Variants in OGFOD2 observed in about 807,000 individuals in gnomAD.
OGFOD2 encodes the protein 2-oxoglutarate and iron dependent oxygenase domain containing 2, also known as 2-oxoglutarate and iron-dependent oxygenase domain-containing protein 2.
Under a neutral mutation model 31.1 loss-of-function variants are expected in OGFOD2, and 34 were observed. That is an observed-to-expected ratio of 1.09 (90% CI 0.83 to 1.45). The LOEUF is 1.45. Ranked by LOEUF, OGFOD2 falls within the 40% of genes most tolerant of loss-of-function variation. The pLI is 0.00. For synonymous variants in OGFOD2, 240 were observed against 192.3 expected (o/e 1.25, Z -2.05); for missense variants, 537 against 433.9 (o/e 1.24, Z -2.11).
intron 2 of OGFOD2, chr12:122,976,304 A>T (rs1192484476): frequency 7.1e-7 from 1 of 1,405,486 alleles, no homozygotes. Flanking sequence ...CCCTGGAGTC[A>T]GTGGTGGGAA....
At chr12:122,979,354 TG>T in exon 7 of OGFOD2, 2 of 1,590,322 alleles carry the variant, frequency 1.3e-6, no homozygotes, top group Non-Finnish European at 8.6e-7. Flanking sequence ...TGAGCTTGCT[TG>T]GGCCCAGTGT....
intron 4 of OGFOD2, 179 bp from the exon 5 acceptor site, chr12:122,978,263 T>G: frequency 2.9e-6 from 2 of 692,182 alleles, no homozygotes; most frequent in Non-Finnish European, 2.4e-6. Context: ...CGGGCATAAG[T>G]GGGGGGCATG....
At chr12:122,975,498 C>G (rs2037389374) in intron 1 of OGFOD2, 115 bp downstream of exon 1, 1 of 589,910 alleles carries the variant, frequency 1.7e-6, no homozygotes, top group Non-Finnish European at 3.0e-6. Flanking sequence ...TCTTCAAATA[C>G]AAGAATGACG....
At chr12:122,975,145 C>T, upstream of OGFOD2, 1 of 501,150 alleles carries the variant, frequency 2.0e-6, no homozygotes, top group Non-Finnish European at 3.6e-6. Context: ...CTTTTCCGCC[C>T]TTGGGAACTT....
intron 4 of OGFOD2, 114 bp downstream of exon 4, chr12:122,977,084 G>C (rs1002811820): frequency 1.0e-6 from 1 of 982,728 alleles, no homozygotes; most frequent in Non-Finnish European, 1.6e-6. Flanking sequence ...AACCAAACCA[G>C]CAGGAGCTGG....
At chr12:122,978,513 C>T (rs1248730947) in exon 5 of OGFOD2, 6 of 1,613,516 alleles carry the variant, frequency 3.7e-6, no homozygotes, top group Non-Finnish European at 5.1e-6. Context: ...AGAGCTGGAG[C>T]ACTTCGAGCA....
At chr12:122,977,159 T>C (rs1294798164) in intron 4 of OGFOD2, 189 bp downstream of exon 4, 2 of 654,644 alleles carry the variant, frequency 3.1e-6, no homozygotes, top group East Asian at 2.8e-5. Context: ...ATACCTGCCA[T>C]GAGCCTGGTA....
chr12:122,976,794 G>A, intron 3 of OGFOD2, 27 bp downstream of exon 3: 1 of 1,607,186 alleles, frequency 6.2e-7, no homozygotes, highest in Non-Finnish European at 8.5e-7. Flanking sequence ...GTGCTTGAAG[G>A]CCGGTACTGG....
chr12:122,979,104 C>G (rs1444872219), exon 7 of OGFOD2: 2 of 1,599,420 alleles, frequency 1.3e-6, no homozygotes, highest in Non-Finnish European at 1.7e-6. Flanking sequence ...CCTGACGGAG[C>G]CCCTGGAGGT....
intron 2 of OGFOD2, 74 bp from the exon 3 acceptor site, chr12:122,976,580 T>C (rs1279693951): frequency 7.6e-7 from 1 of 1,316,732 alleles, no homozygotes; most frequent in East Asian, 2.3e-5. Context: ...GTTCTGGGCT[T>C]CAGTTTCTTC....
chr12:122,979,305 CGAGAGGA>C lies in OGFOD2; in HGVS notation c.1014_1020del (p.Glu339ProfsTer134). 6.2e-7 allele frequency: 1 copy of C among 1,612,368 alleles called. No individual in the cohort carries two copies. The highest frequency in any genetic ancestry group is 2.2e-5 in the East Asian group (1 of 44,892). ...TGAGGGCTTCGGTGATGGCTTCACC[CGAGAGGA>C]GCCCGCCACGGTGGATGTATGTGCG... On this transcript the variant is annotated frameshift_variant, in exon 7 of 7. Coordinates refer to ENST00000228922, the Ensembl canonical transcript of OGFOD2. LOFTEE classifies it high-confidence loss of function.
intron 4 of OGFOD2, chr12:122,977,435 AAAAAATG>A: frequency 1.5e-5 from 3 of 206,852 alleles, no homozygotes; most frequent in South Asian, 1.3e-4. Context: ...CAAGTAGGGC[AAAAAATG>A]CCCCACTTCT....
chr12:122,979,951 C>T, exon 7 of OGFOD2: 1 of 361,278 alleles, frequency 2.8e-6, no homozygotes, highest in Non-Finnish European at 4.9e-6. Flanking sequence ...GAGCCTTCAC[C>T]TTTTGGTGCC....
chr12:122,975,285 C>T (rs534239961), exon 1 of OGFOD2: 29 of 694,342 alleles, frequency 4.2e-5, no homozygotes, highest in African/African-American at 2.8e-4. Context: ...GCACTTCTGC[C>T]GCTGCGCCTG....
In OGFOD2 at chr12:122,976,730, A is replaced by G. The variant is rs780220699; in HGVS notation, c.266A>G (p.Tyr89Cys). ...AGGAAAGCCCTCATCGCGAGTTCCT[A>G]CCACCCGGCACGGCCTGAGGTCTAC... The change falls in exon 3 of 7, where the codon TAC becomes TGC. Residue 89 changes from tyrosine (Y) to cysteine (C), a missense_variant. Tyr to Cys is a radical substitution (Grantham distance 194, BLOSUM62 -2). Transcript: ENST00000228922. The G allele has an allele frequency of 8.1e-6, 13 of 1,613,812 alleles. No individual in the cohort carries two copies. The Admixed American group carries it at 1.3e-4, about 17-fold the overall frequency.
chr12:122,978,845 C>T, exon 6 of OGFOD2: 2 of 1,612,806 alleles, frequency 1.2e-6, no homozygotes, highest in South Asian at 2.2e-5. Context: ...TGTACCCTGA[C>T]TGTGGCGGGG....
At chr12:122,976,072 C>G (rs1245715434) in intron 2 of OGFOD2, 4 of 597,996 alleles carry the variant, frequency 6.7e-6, no homozygotes, top group Non-Finnish European at 1.2e-5. Flanking sequence ...TGCTAAGTTG[C>G]CTAGTCATGC....
At chr12:122,979,317 G>A (rs1389272701) in exon 7 of OGFOD2, 7 of 1,611,668 alleles carry the variant, frequency 4.3e-6, no homozygotes, top group Admixed American at 1.7e-5. Flanking sequence ...AGAGGAGCCC[G>A]CCACGGTGGA....
In OGFOD2 at chr12:122,976,987, G is replaced by T; in HGVS notation, c.403+17G>T. On this transcript the variant is annotated intron_variant, in intron 4 of 6. Transcript: ENST00000228922. ...CAGTATCGGGTGAGGTCCTGGCCCT[G>T]AGACCTGGCAGGACCAGGGAATGGC... The T allele has an allele frequency of 6.2e-7, 1 of 1,608,376 alleles. No individual in the cohort carries two copies.
Sources: gnomAD v4.1 joint callset for allele counts on GRCh38, gnomAD v4.1.1 for gene constraint, MANE v1.5 for transcripts, NCBI Gene and HGNC (gene_info 2026-07-23, HGNC 2026-07-21) for gene names.